Variants in HIPK2 observed in about 807,000 individuals in gnomAD.
HIPK2 encodes the protein homeodomain-interacting protein kinase 2.
HIPK2 carries 27 observed loss-of-function variants against 113.7 expected under a neutral mutation model. The ratio of observed to expected loss-of-function variants is 0.24; its 90% CI spans 0.17 to 0.33. The LOEUF (loss-of-function observed/expected upper bound fraction) is 0.33. HIPK2 is among the 10% of genes least tolerant of loss of function. The pLI is 1.00. For missense variants in HIPK2, 1,257 were observed against 1,588.0 expected (o/e 0.79, Z 3.54); for synonymous variants, 631 against 642.2 (o/e 0.98, Z 0.26).
intron 13 of HIPK2, 146 bp from the exon 14 acceptor site, chr7:139,575,434 C>T (rs1285797182): frequency 1.3e-5 from 12 of 914,834 alleles, no homozygotes; most frequent in Middle Eastern, 2.4e-4. Flanking sequence ...TCCCCCGGAC[C>T]CACTAGGACT....
chr7:139,716,366 C>T lies in HIPK2; in HGVS notation c.669G>A (p.Glu223=). 1 of 1,614,146 alleles carries T rather than the reference C, an allele frequency of 6.2e-7. No homozygotes were observed. The highest frequency in any genetic ancestry group is 1.1e-5 in the South Asian group (1 of 91,082). Residue 223 remains glutamate, a synonymous_variant, in exon 2 of 15, where the codon GAG becomes GAA. Transcript: ENST00000406875. The surrounding 1 kb of genome is among the most constrained non-coding windows in gnomAD (Gnocchi z 9.3). The part of the protein sequence containing the change: ...VVKCWKRGTN[E]IVAIKILKNH... ...TCTTCAGGATCTTGATGGCTACGAT[C>T]TCATTGGTGCCCCGTTTCCAGCACT...
chr7:139,705,230 T>C (rs1012563718), intron 2 of HIPK2, among the ~76,000 whole-genome samples: 1 of 152,170 alleles, frequency 6.6e-6, no homozygotes, highest in African/African-American at 2.4e-5. Flanking sequence ...GTGGGGAGGC[T>C]GGGGAAAGCA....
chr7:139,729,339 G>C (rs1265042290), intron 1 of HIPK2, among the ~76,000 whole-genome samples: 1 of 107,262 alleles, frequency 9.3e-6, no homozygotes, highest in Non-Finnish European at 1.7e-5. Context: ...GAGAGAGAGA[G>C]AGAGAGAGAG....
intron 2 of HIPK2, among the ~76,000 whole-genome samples, chr7:139,643,689 T>C (rs185930961): frequency 2.0e-4 from 31 of 152,148 alleles, no homozygotes; most frequent in African/African-American, 7.0e-4. Flanking sequence ...CGATATTGAC[T>C]TGACTTGGTG....
intron 2 of HIPK2, among the ~76,000 whole-genome samples, chr7:139,652,574 C>G (rs1801501892): frequency 6.6e-6 from 1 of 152,204 alleles, no homozygotes; most frequent in African/African-American, 2.4e-5. Context: ...AGGGAGCAAT[C>G]TCTCTCATTC....
intron 2 of HIPK2, among the ~76,000 whole-genome samples, chr7:139,632,706 T>C (rs1047078957): frequency 1.3e-5 from 2 of 152,150 alleles, no homozygotes; most frequent in African/African-American, 4.8e-5. Flanking sequence ...GAATCTGTCA[T>C]GATTAGGTAG....
At chr7:139,599,998 T>A (rs1000274994) in intron 11 of HIPK2, among the ~76,000 whole-genome samples, 1 of 152,128 alleles carries the variant, frequency 6.6e-6, no homozygotes, top group Non-Finnish European at 1.5e-5. Flanking sequence ...TGATATCTGA[T>A]CACCCGGGCC....
chr7:139,615,631 T>A (rs1419836056), intron 7 of HIPK2, among the ~76,000 whole-genome samples: 1 of 152,198 alleles, frequency 6.6e-6, no homozygotes, highest in Non-Finnish European at 1.5e-5. Context: ...TACAAGAGGT[T>A]TTGCCTCTAG....
At chr7:139,610,626 T>C (rs150931372) in intron 9 of HIPK2, among the ~76,000 whole-genome samples, 4 of 152,342 alleles carry the variant, frequency 2.6e-5, no homozygotes, top group African/African-American at 9.6e-5. Context: ...CTGCACAGTG[T>C]CATTCTGGAC....
At chr7:139,701,081 G>T (rs1042514288) in intron 2 of HIPK2, among the ~76,000 whole-genome samples, 25 of 152,326 alleles carry the variant, frequency 1.6e-4, no homozygotes, top group African/African-American at 5.5e-4. Flanking sequence ...CCTGCATGGC[G>T]TCCTGTGGGG....
At chr7:139,582,940 TC>T (rs1342937146) in intron 13 of HIPK2, among the ~76,000 whole-genome samples, 4 of 152,076 alleles carry the variant, frequency 2.6e-5, no homozygotes, top group African/African-American at 9.7e-5. Flanking sequence ...CCAGGAAGAG[TC>T]CCCAGTTTCC....
intron 12 of HIPK2, among the ~76,000 whole-genome samples, chr7:139,592,889 A>C (rs941244031): frequency 2.6e-5 from 4 of 152,236 alleles, no homozygotes; most frequent in African/African-American, 4.8e-5. Context: ...CTAGTCCAAC[A>C]GTAATTCACT....
At chr7:139,760,096 A>G (rs4726459) in intron 1 of HIPK2, among the ~76,000 whole-genome samples, 54,425 of 150,818 alleles carry the variant, frequency 0.36, 13,604 homozygotes, top group African/African-American at 0.71. Context: ...TCCACCTCCC[A>G]GGTTCACGCC....
At chr7:139,660,823 CAG>C (rs1433411654) in intron 2 of HIPK2, among the ~76,000 whole-genome samples, 2 of 152,170 alleles carry the variant, frequency 1.3e-5, no homozygotes, top group Non-Finnish European at 2.9e-5. Context: ...GATCCAGAGA[CAG>C]AGAAACTCAC....
chr7:139,620,612 G>A (rs1212047226), intron 6 of HIPK2, 49 bp from the exon 7 acceptor site: 3 of 1,603,176 alleles, frequency 1.9e-6, no homozygotes, highest in Non-Finnish European at 2.6e-6. Flanking sequence ...GGGAGGGGAA[G>A]AGGGTAACGT....
At position 139,566,060 on chromosome 7, in the gene HIPK2, T is replaced by A. The variant is rs1442296823; in HGVS notation, c.*6867A>T. On this transcript the variant is annotated 3_prime_UTR_variant, in exon 15 of 15. Coordinates refer to ENST00000406875, the MANE Select transcript of HIPK2 (RefSeq NM_022740.5). This position sits in a 1 kb window ranked among gnomAD's most constrained non-coding sequence, Gnocchi z 4.1. ...ATGCTGGAAAGAAATCTAAAAGGAA[T>A]TCTATGAATCAAAAGAAACTCTCCA... 2 of 152,206 alleles carry A rather than the reference T, an allele frequency of 1.3e-5. No individual in the cohort carries two copies. Among genetic ancestry groups the A allele is most frequent in the African/African-American group, 4.8e-5 (2 of 41,446 alleles). 9.4% of individuals were successfully genotyped at this position (152,206 alleles called of 1,614,324 possible). A position where few individuals can be genotyped will look rare whatever the true frequency, so the allele number is the denominator to read the frequency against.
intron 1 of HIPK2, among the ~76,000 whole-genome samples, chr7:139,749,326 C>T (rs1265743990): frequency 1.3e-5 from 2 of 152,196 alleles, no homozygotes; most frequent in Non-Finnish European, 2.9e-5. Context: ...GCCCACATCA[C>T]GTGTCTGGGT....
intron 2 of HIPK2, among the ~76,000 whole-genome samples, chr7:139,638,882 C>A (rs923933830): frequency 3.9e-5 from 6 of 152,174 alleles, no homozygotes; most frequent in Non-Finnish European, 8.8e-5. Context: ...TGGTCTCGAT[C>A]TCCTGACCTC....
chr7:139,707,710 G>C (rs1794943562), intron 2 of HIPK2, among the ~76,000 whole-genome samples: 1 of 152,178 alleles, frequency 6.6e-6, no homozygotes, highest in Non-Finnish European at 1.5e-5. Context: ...ACAGTGTATG[G>C]CACATCTTCG....
Sources: gnomAD v4.1 joint callset for allele counts (sites outside exome capture counted in the v4.1 genomes callset) on GRCh38, gnomAD v4.1.1 for gene constraint, Gnocchi (gnomAD v3.1) non-coding constraint, MANE v1.5 for transcripts, NCBI Gene and HGNC (gene_info 2026-07-23, HGNC 2026-07-21) for gene names.